Variants in LDLRAD4 observed in about 807,000 individuals in gnomAD.
LDLRAD4 encodes low density lipoprotein receptor class A domain containing 4.
A neutral mutation model predicts 17.0 loss-of-function variants in LDLRAD4; 5 were observed. That is an observed-to-expected ratio of 0.29 (90% CI 0.15 to 0.62). LDLRAD4 has a LOEUF of 0.62. Among genes scored for constraint, LDLRAD4 ranks in the 20% least tolerant of loss-of-function variants. LDLRAD4 has a pLI of 0.84. For synonymous variants in LDLRAD4, 168 were observed against 171.8 expected (o/e 0.98, Z 0.17); for missense variants, 340 against 424.7 (o/e 0.80, Z 1.75).
chr18:13,498,503 CCTT>C (rs1435818273), intron 3 of LDLRAD4, among the ~76,000 whole-genome samples: 1 of 149,442 alleles, frequency 6.7e-6, no homozygotes, highest in Non-Finnish European at 1.5e-5. Context: ...ACTGGAGAAT[CCTT>C]CTTGACACAC....
intron 3 of LDLRAD4, among the ~76,000 whole-genome samples, chr18:13,446,799 G>A (rs2091439524): frequency 6.6e-6 from 1 of 152,244 alleles, no homozygotes; most frequent in African/African-American, 2.4e-5. Context: ...AGCCACATGT[G>A]GGCTTTTAGC....
intron 2 of LDLRAD4, among the ~76,000 whole-genome samples, chr18:13,402,035 C>G: frequency 6.6e-6 from 1 of 152,244 alleles, no homozygotes; most frequent in East Asian, 1.9e-4. Context: ...CCAAATCGCT[C>G]TTTCATCTGC....
chr18:13,577,162 C>A (rs1438365573), intron 3 of LDLRAD4, among the ~76,000 whole-genome samples: 1 of 151,996 alleles, frequency 6.6e-6, no homozygotes, highest in Admixed American at 6.5e-5. Context: ...AAGCAGATGT[C>A]ATAGTCACAC....
At chr18:13,465,334 T>C (rs1405231534) in intron 3 of LDLRAD4, among the ~76,000 whole-genome samples, 1 of 152,220 alleles carries the variant, frequency 6.6e-6, no homozygotes, top group Admixed American at 6.5e-5. Context: ...TGTGTTCAAG[T>C]TCTGTTAGTA....
intron 1 of LDLRAD4, among the ~76,000 whole-genome samples, chr18:13,290,150 A>G (rs1378014681): frequency 1.3e-5 from 2 of 152,138 alleles, no homozygotes; most frequent in Admixed American, 6.5e-5. Context: ...TGGGGCACCC[A>G]TTCTTCCCCC....
chr18:13,391,283 G>A (rs1447421775), intron 2 of LDLRAD4, among the ~76,000 whole-genome samples: 4 of 152,104 alleles, frequency 2.6e-5, no homozygotes, highest in Non-Finnish European at 5.9e-5. Flanking sequence ...CTTTAAGAGG[G>A]TTTTGGGCAG....
At chr18:13,400,208 G>A (rs2087051763) in intron 2 of LDLRAD4, among the ~76,000 whole-genome samples, 1 of 152,206 alleles carries the variant, frequency 6.6e-6, no homozygotes, top group Non-Finnish European at 1.5e-5. Flanking sequence ...CTTCTTTGGG[G>A]CAGCTCATCC....
chr18:13,473,678 T>TATAA (rs374731826), intron 3 of LDLRAD4, among the ~76,000 whole-genome samples: 15,700 of 79,038 alleles, frequency 0.2, 3,417 homozygotes, highest in Non-Finnish European at 0.22. Flanking sequence ...TATATATATA[T>TATAA]AACGTTTACA....
intron 1 of LDLRAD4, among the ~76,000 whole-genome samples, chr18:13,291,630 AC>A (rs1223620351): frequency 6.6e-6 from 1 of 152,010 alleles, no homozygotes; most frequent in African/African-American, 2.4e-5. Context: ...CAGCTGAGTT[AC>A]CCCAAAGCCA....
intron 2 of LDLRAD4, among the ~76,000 whole-genome samples, chr18:13,388,387 A>G (rs1272615172): frequency 2.6e-5 from 4 of 152,176 alleles, no homozygotes; most frequent in African/African-American, 9.7e-5. Flanking sequence ...TTCATGTAAC[A>G]TTCCAGGAAG....
At chr18:13,603,204 G>A (rs148448352) in intron 3 of LDLRAD4, among the ~76,000 whole-genome samples, 3 of 152,228 alleles carry the variant, frequency 2.0e-5, no homozygotes, top group Non-Finnish European at 2.9e-5. Context: ...AAGGAAAATT[G>A]CCTGGTGGTA....
At chr18:13,388,979 G>T (rs999258021) in intron 2 of LDLRAD4, among the ~76,000 whole-genome samples, 2 of 151,942 alleles carry the variant, frequency 1.3e-5, no homozygotes, top group East Asian at 1.9e-4. Flanking sequence ...CCTCTGGATT[G>T]TGAGGGGCTG....
In LDLRAD4 at chr18:13,464,196, GT is replaced by G. The variant is rs1229588529; in HGVS notation, c.181+25815del. ...GACTAATCTCTGCATAAACACAACT[GT>G]TTCTCCATATTGCTGGGAACACTCC... is the stretch of plus-strand genomic sequence containing the variant. On this transcript the variant is annotated intron_variant, in intron 3 of 5. Transcript: ENST00000359446. 3.9e-5 allele frequency among the ~76,000 whole-genome samples: 6 copies of G among 152,152 alleles called. No homozygotes were observed. The East Asian group carries it at 1.2e-3, about 29-fold the overall frequency.
intron 1 of LDLRAD4, among the ~76,000 whole-genome samples, chr18:13,381,415 A>G (rs1568075723): frequency 6.6e-6 from 1 of 151,906 alleles, no homozygotes; most frequent in African/African-American, 2.4e-5. Context: ...GGCCAGAGAC[A>G]TGGCCATAGG....
chr18:13,453,480 G>T (rs2091956134), intron 3 of LDLRAD4, among the ~76,000 whole-genome samples: 2 of 152,006 alleles, frequency 1.3e-5, no homozygotes, highest in African/African-American at 2.4e-5. Context: ...CTGGTTTTTC[G>T]CAGCTGCCGG....
intron 3 of LDLRAD4, among the ~76,000 whole-genome samples, chr18:13,498,193 C>A (rs2093516380): frequency 6.6e-6 from 1 of 151,628 alleles, no homozygotes; most frequent in Non-Finnish European, 1.5e-5. Context: ...TCCTTCTCCA[C>A]ACACACGTCC....
At chr18:13,227,840 A>C (rs2041887201) in intron 1 of LDLRAD4, among the ~76,000 whole-genome samples, 5 of 152,176 alleles carry the variant, frequency 3.3e-5, no homozygotes, top group Admixed American at 3.3e-4. Flanking sequence ...TTCCCTTCCC[A>C]TGAGGTCCCT....
At chr18:13,389,869 C>A (rs920180678) in intron 2 of LDLRAD4, among the ~76,000 whole-genome samples, 5 of 152,176 alleles carry the variant, frequency 3.3e-5, no homozygotes, top group African/African-American at 1.2e-4. Context: ...TAGGACAGTA[C>A]CTCTCACATA....
chr18:13,377,093 G>T (rs768657362), intron 1 of LDLRAD4, among the ~76,000 whole-genome samples: 1 of 152,192 alleles, frequency 6.6e-6, no homozygotes, highest in Non-Finnish European at 1.5e-5. Context: ...GGGACTACCC[G>T]TCAGAAGGCT....
Sources: allele counts gnomAD v4.1 joint callset (sites outside exome capture counted in the v4.1 genomes callset), GRCh38; gene constraint gnomAD v4.1.1; transcripts MANE v1.5; gene names NCBI Gene and HGNC (gene_info 2026-07-23, HGNC 2026-07-21).